The following CACNA1A variants were observed in gnomAD, a reference collection of about 807,000 sequenced individuals.
The protein encoded by CACNA1A is voltage-dependent P/Q-type calcium channel subunit alpha-1A.
A neutral mutation model predicts 262.4 loss-of-function variants in CACNA1A; 57 were observed. The observed-to-expected ratio is 0.22, with a 90% confidence interval of 0.18 to 0.27. The LOEUF is 0.27. CACNA1A is among the 10% of genes least tolerant of loss of function. The probability of loss-of-function intolerance (pLI) is 1.00; values close to 1 mark genes in which losing one functional copy is unlikely to be tolerated. For synonymous variants in CACNA1A, 1,431 were observed against 1,419.3 expected, an observed-to-expected ratio of 1.01 and a Z score of -0.18; for missense variants, 2,526 against 3,562.8, an observed-to-expected ratio of 0.71 and a Z score of 7.41.
chr19:13,276,488 A>G lies in CACNA1A; in HGVS notation c.3883-532T>C, dbSNP rs567892795. ...ACCTCACTCAAAGTAAGAGCCGAAG[A>G]GCCCTCTCTGTGATCCCCGGCACAA... On this transcript the variant is annotated intron_variant, in intron 23 of 46. Transcript: ENST00000360228. 3.5e-4 allele frequency among the ~76,000 whole-genome samples: 53 copies of G among 152,242 alleles called. No homozygotes were observed. In the South Asian group the frequency reaches 0.011, roughly 31 times the overall value.
intron 37 of CACNA1A, chr19:13,225,549 G>C (rs2055404793): frequency 6.6e-6 from 1 of 152,172 alleles, no homozygotes; most frequent in Non-Finnish European, 1.5e-5. Flanking sequence ...ACCATGCTTG[G>C]TGGCATGGGA....
intron 10 of CACNA1A, among the ~76,000 whole-genome samples, chr19:13,317,998 T>G (rs2058161405): frequency 6.6e-6 from 1 of 152,040 alleles, no homozygotes; most frequent in African/African-American, 2.4e-5. Context: ...AAAAAAAAAG[T>G]TGGGATGGGT....
intron 5 of CACNA1A, chr19:13,363,312 T>TTC (rs36010673): frequency 0.069 from 10,210 of 148,654 alleles, 313 homozygotes; most frequent in South Asian, 0.093. Flanking sequence ...CCCATATTCA[T>TTC]TCTCTCTCTC....
chr19:13,503,052 G>A (rs2145180049), intron 1 of CACNA1A, among the ~76,000 whole-genome samples: 1 of 152,186 alleles, frequency 6.6e-6, no homozygotes, highest in South Asian at 2.1e-4. Context: ...CTATCTAAGA[G>A]AACTGTGGGA....
chr19:13,248,103 T>A (rs908719455), intron 30 of CACNA1A, among the ~76,000 whole-genome samples: 2 of 152,114 alleles, frequency 1.3e-5, no homozygotes, highest in Non-Finnish European at 2.9e-5. Flanking sequence ...CCTCTCTCCC[T>A]TACTGCCCTG....
chr19:13,312,766 A>G lies in CACNA1A; in HGVS notation c.1571T>C (p.Ile524Thr). The G allele has an allele frequency of 6.4e-7, 1 of 1,573,554 alleles. No homozygotes were observed. The highest frequency in any genetic ancestry group is 8.6e-7 in the Non-Finnish European group (1 of 1,157,214). ...LSDFLYYAEFIFLGLFMSEMF... is the reference protein window; with the variant it reads ...LSDFLYYAEFTFLGLFMSEMF... ...TTCGGACATAAAGAGTCCTAAGAAA[A>G]TGAATTCTGCATAGTCTAGAAGGGA... The change falls in exon 12 of 47, where the codon ATT becomes ACT. Residue 524 changes from isoleucine (I) to threonine (T), a missense_variant. Around this residue, in one of 17 missense-constraint regions of CACNA1A, gnomAD observed 102 missense variants for 278.9 expected, o/e 0.37. Transcript: ENST00000360228.
chr19:13,231,292 G>A (rs1172394579), intron 35 of CACNA1A, among the ~76,000 whole-genome samples: 2 of 151,982 alleles, frequency 1.3e-5, no homozygotes, highest in Admixed American at 6.6e-5. Flanking sequence ...TGGGATTACA[G>A]GCATCGGCCA....
In CACNA1A at chr19:13,208,962, A is replaced by C; in HGVS notation, c.6574T>G (p.Ser2192Ala). 1 of 1,537,228 alleles carries C rather than the reference A, an allele frequency of 6.5e-7. No individual in the cohort carries two copies. The change falls in exon 46 of 47, where the codon TCG (serine) becomes GCG (alanine). Residue 2192 changes from serine (S) to alanine (A), a missense_variant. By Grantham distance (99) the Ser-to-Ala change is moderately conservative. Around this residue, in one of 17 missense-constraint regions of CACNA1A, gnomAD observed 929 missense variants for 868.1 expected, o/e 1.07. Transcript: ENST00000360228. ...SMTTQSGDLP[S>A]KERDQERGRP... ...CCCCGCTCCTGGTCCCGCTCCTTCG[A>C]CGGCAGGTCCCCGGATTGGGTGGTC...
At chr19:13,228,244 G>T (rs866148701) in intron 36 of CACNA1A, among the ~76,000 whole-genome samples, 58 of 151,626 alleles carry the variant, frequency 3.8e-4, no homozygotes, top group African/African-American at 1.4e-3. Context: ...ACGTTCTCTG[G>T]TTTGGCTGAG....
chr19:13,432,560 A>G (rs1225201604), intron 3 of CACNA1A, among the ~76,000 whole-genome samples: 4 of 152,132 alleles, frequency 2.6e-5, no homozygotes, highest in Non-Finnish European at 5.9e-5. Context: ...CAAAGGATAC[A>G]AAGTTTCAGT....
rs567819146 is a variant in CACNA1A at position 13,441,853 on chromosome 19, T to C, written c.539+11023A>G. Among the ~76,000 whole-genome samples the C allele has an allele frequency of 7.5e-4, 114 of 152,000 alleles. 1 individual carries two copies. The highest frequency in any genetic ancestry group is 2.6e-3 in the African/African-American group (107 of 41,468). ...CTTGGAGGCAGGCTGGCATTTGTCA[T>C]AGCAATTCGAGAAAACAAGACCTCA... is the stretch of plus-strand genomic sequence containing the variant. On this transcript the variant is annotated intron_variant, in intron 3 of 46. Transcript: ENST00000360228.
chr19:13,297,955 T>C (rs1384072387), intron 19 of CACNA1A, among the ~76,000 whole-genome samples: 1 of 151,998 alleles, frequency 6.6e-6, no homozygotes, highest in African/African-American at 2.4e-5. Flanking sequence ...CTCAGCCTCC[T>C]GAGTAGTGGG....
chr19:13,346,661 TATATA>T (rs1284608535), intron 6 of CACNA1A, among the ~76,000 whole-genome samples: 27 of 5,726 alleles, frequency 4.7e-3, no homozygotes, highest in East Asian at 6.3e-3. Flanking sequence ...TATATATATA[TATATA>T]TTTTTTTTTT....
intron 38 of CACNA1A, among the ~76,000 whole-genome samples, chr19:13,217,937 T>C (rs1174230688): frequency 6.7e-6 from 1 of 149,608 alleles, no homozygotes; most frequent in African/African-American, 2.5e-5. Flanking sequence ...CTTTTTTTTT[T>C]TTTTTTTTTT....
chr19:13,223,750 A>C (rs569422245), intron 38 of CACNA1A, among the ~76,000 whole-genome samples: 58 of 152,168 alleles, frequency 3.8e-4, no homozygotes, highest in African/African-American at 1.4e-3. Context: ...CCTTCCCCCC[A>C]GGGATCCATG....
chr19:13,414,729 G>A (rs1382433023), intron 3 of CACNA1A, among the ~76,000 whole-genome samples: 1 of 151,752 alleles, frequency 6.6e-6, no homozygotes, highest in East Asian at 2.0e-4. Flanking sequence ...AGACCAAAGT[G>A]GGCGGATCGC....
chr19:13,439,663 G>A (rs1158304602), intron 3 of CACNA1A, among the ~76,000 whole-genome samples: 6 of 151,792 alleles, frequency 4.0e-5, no homozygotes, highest in South Asian at 2.1e-4. Flanking sequence ...TGCCCGCCTC[G>A]GCCTCCCAAA....
In CACNA1A at chr19:13,286,465, G is replaced by T. The variant is rs778996889; in HGVS notation, c.3553+38C>A. ...AGAGCCTCTGGCTCCAGGGACGCCA[G>T]GTCCCCTGCCCAGTGATGTGAGAGC... is the stretch of plus-strand genomic sequence containing the variant. On this transcript the variant is annotated intron_variant, in intron 20 of 46. Transcript: ENST00000360228. The T allele has an allele frequency of 2.8e-6, 3 of 1,074,440 alleles. No individual in the cohort carries two copies. In the South Asian group the frequency reaches 5.6e-5, roughly 20 times the overall value. The allele number at this position is 1,074,440 out of a possible 1,614,324, so 66.6% of individuals were successfully genotyped here.
At chr19:13,267,112 T>G (rs937894877) in intron 24 of CACNA1A, among the ~76,000 whole-genome samples, 1 of 150,522 alleles carries the variant, frequency 6.6e-6, no homozygotes, top group Non-Finnish European at 1.5e-5. Context: ...AGGGGACAGA[T>G]CACGAGAGAC....
Sources: gnomAD v4.1 joint callset for allele counts (sites outside exome capture counted in the v4.1 genomes callset) on GRCh38, gnomAD v4.1.1 for gene constraint, gnomAD v4.1.1 regional missense constraint, MANE v1.5 for transcripts, NCBI Gene and HGNC (gene_info 2026-07-23, HGNC 2026-07-21) for gene names.